The following APBA1 variants were observed in gnomAD, a reference collection of about 807,000 sequenced individuals.
APBA1 encodes amyloid-beta A4 precursor protein-binding family A member 1.
APBA1 carries 55 observed loss-of-function variants against 86.6 expected under a neutral mutation model. The observed-to-expected ratio is 0.64, with a 90% CI of 0.51 to 0.80. The LOEUF (loss-of-function observed/expected upper bound fraction) is 0.80. Among genes scored for constraint, APBA1 ranks in the 30% least tolerant of loss-of-function variants. The pLI is 0.00. For missense variants in APBA1, 1,090 were observed against 1,183.0 expected, an observed-to-expected ratio of 0.92 and a Z score of 1.15; for synonymous variants, 511 against 493.9, an observed-to-expected ratio of 1.03 and a Z score of -0.46.
intron 1 of APBA1, among the ~76,000 whole-genome samples, chr9:69,590,838 C>T (rs548874553): frequency 1.2e-4 from 18 of 152,290 alleles, no homozygotes; most frequent in African/African-American, 4.3e-4. Flanking sequence ...TTTCTGCAGA[C>T]AGCTAAATGG....
intron 2 of APBA1, among the ~76,000 whole-genome samples, chr9:69,488,129 G>A (rs1835641393): frequency 6.6e-6 from 1 of 152,092 alleles, no homozygotes; most frequent in Non-Finnish European, 1.5e-5. Flanking sequence ...AATGGAAAGA[G>A]TGGTAACATT....
At chr9:69,659,005 C>A (rs992887223) in intron 1 of APBA1, among the ~76,000 whole-genome samples, 1 of 152,152 alleles carries the variant, frequency 6.6e-6, no homozygotes, top group African/African-American at 2.4e-5. Flanking sequence ...TGAGAGCATA[C>A]CCTTACTTGA....
chr9:69,461,362 A>C (rs911226901), intron 5 of APBA1: 1 of 152,016 alleles, frequency 6.6e-6, no homozygotes, highest in Non-Finnish European at 1.5e-5. Flanking sequence ...CTCCATCCAC[A>C]ATGTGTACTG....
At chr9:69,440,724 C>A (rs112959272) in intron 11 of APBA1, among the ~76,000 whole-genome samples, 1 of 152,134 alleles carries the variant, frequency 6.6e-6, no homozygotes, top group Non-Finnish European at 1.5e-5. Context: ...TGACCCCTTG[C>A]GCTTCCCGGG....
chr9:69,505,547 C>A (rs1835945265), intron 2 of APBA1, among the ~76,000 whole-genome samples: 2 of 152,070 alleles, frequency 1.3e-5, no homozygotes, highest in African/African-American at 2.4e-5. Flanking sequence ...TACTGCAATT[C>A]TAGGATGGAG....
At chr9:69,618,940 G>A (rs552389116) in intron 1 of APBA1, among the ~76,000 whole-genome samples, 21 of 152,280 alleles carry the variant, frequency 1.4e-4, no homozygotes, top group African/African-American at 2.9e-4. Flanking sequence ...TTCAAAATAA[G>A]GACAATATCT....
chr9:69,652,008 G>A (rs568335711), intron 1 of APBA1, among the ~76,000 whole-genome samples: 3 of 152,276 alleles, frequency 2.0e-5, no homozygotes, highest in African/African-American at 7.2e-5. Flanking sequence ...CATGACTGGT[G>A]TTCTTTTTAG....
chr9:69,597,997 C>A (rs879523297), intron 1 of APBA1, among the ~76,000 whole-genome samples: 1 of 151,368 alleles, frequency 6.6e-6, no homozygotes, highest in Admixed American at 6.6e-5. Flanking sequence ...ATGTTTATTG[C>A]GGCATTATTC....
intron 10 of APBA1, among the ~76,000 whole-genome samples, chr9:69,442,737 G>T (rs1564030505): frequency 6.6e-6 from 1 of 152,208 alleles, no homozygotes; most frequent in Non-Finnish European, 1.5e-5. Context: ...ATAGAATTCT[G>T]TAAATTCCAC....
At chr9:69,642,247 T>A (rs2134008678) in intron 1 of APBA1, among the ~76,000 whole-genome samples, 1 of 152,260 alleles carries the variant, frequency 6.6e-6, no homozygotes, top group Non-Finnish European at 1.5e-5. Flanking sequence ...CTGGAATACA[T>A]AAACAACCCT....
At chr9:69,470,368 T>C (rs1835348177) in intron 4 of APBA1, among the ~76,000 whole-genome samples, 1 of 152,220 alleles carries the variant, frequency 6.6e-6, no homozygotes, top group African/African-American at 2.4e-5. Context: ...CGGATTGCTC[T>C]GTGGATGAGG....
At chr9:69,588,727 A>G (rs146809033) in intron 1 of APBA1, among the ~76,000 whole-genome samples, 40 of 152,310 alleles carry the variant, frequency 2.6e-4, no homozygotes, top group African/African-American at 9.6e-4. Flanking sequence ...TTAACTGAGT[A>G]CGTATCATAT....
chr9:69,589,739 C>A (rs1046835772), intron 1 of APBA1, among the ~76,000 whole-genome samples: 7 of 152,160 alleles, frequency 4.6e-5, no homozygotes, highest in African/African-American at 1.7e-4. Context: ...ATCTGAGATC[C>A]TGATTGAATC....
At chr9:69,650,971 T>C (rs1564102764) in intron 1 of APBA1, among the ~76,000 whole-genome samples, 1 of 152,242 alleles carries the variant, frequency 6.6e-6, no homozygotes, top group Non-Finnish European at 1.5e-5. Flanking sequence ...ACATTGTTCA[T>C]AGTAGTTTTG....
intron 1 of APBA1, among the ~76,000 whole-genome samples, chr9:69,651,464 TA>T (rs1209394439): frequency 5.3e-5 from 8 of 152,192 alleles, no homozygotes; most frequent in Non-Finnish European, 1.2e-4. Context: ...GTAATTTAAA[TA>T]ATGACTGACT....
Position 69,511,216 on chromosome 9 carries a change from A to G in APBA1, c.1200+4795T>C, listed in dbSNP as rs1419073749. ...TCCAGAATCTACAATGAACTCAAACAAATTTACAAGAAAAAACCAAACAAC... is the reference window on the plus strand; with the variant it reads ...TCCAGAATCTACAATGAACTCAAACGAATTTACAAGAAAAAACCAAACAAC... On this transcript the variant is annotated intron_variant, in intron 2 of 12. Transcript: ENST00000265381. Among the ~76,000 whole-genome samples the G allele has an allele frequency of 2.6e-5, 4 of 152,234 alleles. No homozygotes were observed. In the East Asian group the frequency reaches 7.7e-4, roughly 29 times the overall value.
upstream of APBA1, among the ~76,000 whole-genome samples, chr9:69,672,521 T>A (rs7862740): frequency 0.97 from 142,844 of 146,798 alleles, 69,613 homozygotes; most frequent in Non-Finnish European, 1. Flanking sequence ...CCTGCCTCCC[T>A]CGCCCACTCG....
chr9:69,665,794 G>A (rs999893992), intron 1 of APBA1, among the ~76,000 whole-genome samples: 3 of 152,196 alleles, frequency 2.0e-5, no homozygotes, highest in Admixed American at 2.0e-4. Context: ...TTTGTTTTCT[G>A]ATGTGATCTC....
At chr9:69,494,528 G>A (rs1196232427) in intron 2 of APBA1, 3 of 152,114 alleles carry the variant, frequency 2.0e-5, no homozygotes, top group Non-Finnish European at 4.4e-5. Context: ...CAGTGTAAGG[G>A]TGAAACAAGT....
Sources: gnomAD v4.1 joint callset for allele counts (sites outside exome capture counted in the v4.1 genomes callset) on GRCh38, gnomAD v4.1.1 for gene constraint, MANE v1.5 for transcripts, NCBI Gene and HGNC (gene_info 2026-07-23, HGNC 2026-07-21) for gene names.